RABGAP1L: variants seen among roughly 807,000 people sequenced by gnomAD.
The protein encoded by RABGAP1L is RAB GTPase activating protein 1 like, also known as rab GTPase-activating protein 1-like.
RABGAP1L carries 63 observed loss-of-function variants against 137.7 expected under a neutral mutation model. That is an observed-to-expected ratio of 0.46 (90% CI 0.37 to 0.56). The LOEUF is 0.56. Among genes scored for constraint, RABGAP1L ranks in the 20% least tolerant of loss-of-function variants. RABGAP1L has a pLI of 0.00. For missense variants in RABGAP1L, 1,095 were observed against 1,244.0 expected (o/e 0.88, Z 1.80); for synonymous variants, 431 against 433.7 (o/e 0.99, Z 0.08).
intron 13 of RABGAP1L, among the ~76,000 whole-genome samples, chr1:174,447,441 T>G (rs977183152): frequency 2.0e-5 from 3 of 152,018 alleles, no homozygotes; most frequent in Non-Finnish European, 2.9e-5. Context: ...TTTAGAAAAA[T>G]GAGAAATAGG....
At chr1:174,195,649 C>CTTCCTTCCTTCCT (rs1667546083) in intron 1 of RABGAP1L, among the ~76,000 whole-genome samples, 10 of 116,286 alleles carry the variant, frequency 8.6e-5, no homozygotes, top group Admixed American at 5.4e-4. Context: ...TCCTTCCTTC[C>CTTCCTTCCTTCCT]TTCCTTTCCT....
At chr1:174,734,865 C>G (rs1416327165) in intron 17 of RABGAP1L, among the ~76,000 whole-genome samples, 1 of 151,028 alleles carries the variant, frequency 6.6e-6, no homozygotes, top group Non-Finnish European at 1.5e-5. Context: ...ACTAATTCTT[C>G]AGATTGCATT....
At chr1:174,395,938 C>T (rs549777708) in intron 13 of RABGAP1L, among the ~76,000 whole-genome samples, 11 of 151,618 alleles carry the variant, frequency 7.3e-5, no homozygotes, top group Admixed American at 1.3e-4. Context: ...AAATGATGTA[C>T]GTCTACTTGG....
chr1:174,699,501 G>T, intron 15 of RABGAP1L, 24 bp from the exon 16 acceptor site: 1 of 1,603,728 alleles, frequency 6.2e-7, no homozygotes. Context: ...TATTTATATT[G>T]TATATGTATA....
At position 174,548,930 on chromosome 1, in the gene RABGAP1L, A is replaced by G. The variant is rs73042867; in HGVS notation, c.1711-88445A>G. Among the ~76,000 whole-genome samples, 813 of 152,354 alleles carry G rather than the reference A, an allele frequency of 5.3e-3. 10 individuals carry two copies. The highest frequency in any genetic ancestry group is 0.018 in the African/African-American group (768 of 41,584). ...TAAAGTTTTTAATGATTTTTCAATT[A>G]TGAAAATGTTTTACTATTGTGCTTA... is the stretch of plus-strand genomic sequence containing the variant. On this transcript the variant is annotated intron_variant, in intron 13 of 25. Transcript: ENST00000681986.
At chr1:174,714,451 A>G (rs571053989) in intron 17 of RABGAP1L, among the ~76,000 whole-genome samples, 1 of 152,236 alleles carries the variant, frequency 6.6e-6, no homozygotes, top group Non-Finnish European at 1.5e-5. Flanking sequence ...CTAACTTTAC[A>G]TATGGTAGAC....
chr1:174,788,592 T>G (rs1025848210), intron 18 of RABGAP1L, among the ~76,000 whole-genome samples: 2 of 152,236 alleles, frequency 1.3e-5, no homozygotes, highest in Non-Finnish European at 2.9e-5. Context: ...TGCTATTAGA[T>G]TAATCTTTCT....
chr1:174,934,656 T>C (rs764155139), intron 19 of RABGAP1L, among the ~76,000 whole-genome samples: 64 of 152,080 alleles, frequency 4.2e-4, no homozygotes, highest in Non-Finnish European at 5.6e-4. Context: ...CTGCTAGTGG[T>C]GGCATGCACC....
intron 13 of RABGAP1L, among the ~76,000 whole-genome samples, chr1:174,398,731 T>C (rs1648186861): frequency 6.6e-6 from 1 of 152,146 alleles, no homozygotes; most frequent in South Asian, 2.1e-4. Flanking sequence ...ACACATTGAT[T>C]TATCCCTCCA....
chr1:174,917,245 G>A (rs1167811922), intron 19 of RABGAP1L, among the ~76,000 whole-genome samples: 2 of 152,054 alleles, frequency 1.3e-5, no homozygotes, highest in East Asian at 1.9e-4. Context: ...ATAAACATTC[G>A]GTTCATATCA....
At chr1:174,699,008 T>A (rs573546056) in intron 15 of RABGAP1L, among the ~76,000 whole-genome samples, 57 of 152,076 alleles carry the variant, frequency 3.7e-4, no homozygotes, top group South Asian at 3.3e-3. Context: ...ATTTTATTTT[T>A]TTTTTAGACG....
chr1:174,971,498 C>A (rs1469726417), intron 21 of RABGAP1L, among the ~76,000 whole-genome samples: 2 of 152,168 alleles, frequency 1.3e-5, no homozygotes, highest in African/African-American at 4.8e-5. Context: ...CTTCTCTCTT[C>A]CCTCCTTGAC....
rs1319983444 is a variant in RABGAP1L, at chr1:174,838,744, C to T, written c.2340+26784C>T. Among the ~76,000 whole-genome samples the T allele has an allele frequency of 3.3e-5, 5 of 150,926 alleles. 1 individual carries two copies. The highest frequency in any genetic ancestry group is 6.6e-5 in the Admixed American group (1 of 15,128). ...GGGGATCGAGACCACAGTGAAACCC[C>T]GTCTCTACTAAAAATACAAAAAATT... On this transcript the variant is annotated intron_variant, in intron 19 of 25. Transcript: ENST00000681986.
At chr1:174,363,929 ATTG>A (rs1684362017) in intron 11 of RABGAP1L, among the ~76,000 whole-genome samples, 1 of 146,078 alleles carries the variant, frequency 6.8e-6, no homozygotes, top group African/African-American at 2.5e-5. Flanking sequence ...CTTTTAATGT[ATTG>A]TTGAATTCAT....
chr1:174,362,398 A>G (rs908474766), intron 11 of RABGAP1L, among the ~76,000 whole-genome samples: 1 of 152,214 alleles, frequency 6.6e-6, no homozygotes, highest in Non-Finnish European at 1.5e-5. Context: ...ACTCCCACCA[A>G]CAGTGTATAA....
intron 18 of RABGAP1L, chr1:174,800,094 GTT>G (rs914898540): frequency 7.6e-7 from 1 of 1,311,430 alleles, no homozygotes; most frequent in African/African-American, 1.5e-5. Context: ...TGCTTTTGCC[GTT>G]TTTTATTTAG....
At chr1:174,457,607 A>G (rs1032498418) in intron 13 of RABGAP1L, among the ~76,000 whole-genome samples, 1 of 149,816 alleles carries the variant, frequency 6.7e-6, no homozygotes, top group African/African-American at 2.5e-5. Context: ...GGTTCAAGTG[A>G]TTCTCCTGCC....
chr1:174,610,202 C>T, intron 13 of RABGAP1L, among the ~76,000 whole-genome samples: 1 of 117,858 alleles, frequency 8.5e-6, no homozygotes. Context: ...CTATCCCTTC[C>T]CCCTCCCCCC....
intron 14 of RABGAP1L, among the ~76,000 whole-genome samples, chr1:174,681,264 A>T (rs1268476541): frequency 1.4e-4 from 21 of 152,256 alleles, no homozygotes; most frequent in Admixed American, 1.4e-3. Flanking sequence ...CGCTGTGTAT[A>T]TATTTACAGC....
Sources: gnomAD v4.1 joint callset for allele counts (sites outside exome capture counted in the v4.1 genomes callset) on GRCh38, gnomAD v4.1.1 for gene constraint, MANE v1.5 for transcripts, NCBI Gene and HGNC (gene_info 2026-07-23, HGNC 2026-07-21) for gene names.